AUTS2: variants seen among roughly 807,000 people sequenced by gnomAD.
AUTS2 encodes the protein autism susceptibility gene 2 protein.
In AUTS2, 17 loss-of-function variants were observed where a neutral mutation model predicts 112.4. The ratio of observed to expected loss-of-function variants is 0.15; its 90% CI spans 0.10 to 0.23. AUTS2 has a LOEUF of 0.23. Among genes scored for constraint, AUTS2 ranks in the 10% least tolerant of loss-of-function variants. The pLI is 1.00. For missense variants in AUTS2, 1,510 were observed against 1,701.6 expected (o/e 0.89, Z 1.98); for synonymous variants, 751 against 702.7 (o/e 1.07, Z -1.09).
intron 2 of AUTS2, among the ~76,000 whole-genome samples, chr7:69,929,350 T>C (rs1038943318): frequency 6.6e-6 from 1 of 152,102 alleles, no homozygotes; most frequent in Non-Finnish European, 1.5e-5. Context: ...GTTTCCTTCA[T>C]GTTTCTTGTG....
At chr7:69,654,818 T>C (rs1437778621) in intron 1 of AUTS2, among the ~76,000 whole-genome samples, 4 of 152,164 alleles carry the variant, frequency 2.6e-5, no homozygotes, top group African/African-American at 9.6e-5. Context: ...ATGGCAACTG[T>C]GTGTTTTAAA....
chr7:69,937,865 C>G (rs1207129359), intron 2 of AUTS2, among the ~76,000 whole-genome samples: 1 of 152,072 alleles, frequency 6.6e-6, no homozygotes, highest in African/African-American at 2.4e-5. Context: ...AGCCATGGGG[C>G]CTTGTTCTTC....
At chr7:70,618,880 T>C (rs1804521465) in intron 5 of AUTS2, among the ~76,000 whole-genome samples, 1 of 152,212 alleles carries the variant, frequency 6.6e-6, no homozygotes, top group African/African-American at 2.4e-5. Context: ...TCAGGATTAC[T>C]GGAGGGAGAG....
intron 4 of AUTS2, among the ~76,000 whole-genome samples, chr7:70,253,418 A>G (rs1005813999): frequency 1.3e-5 from 2 of 152,152 alleles, no homozygotes; most frequent in Admixed American, 6.5e-5. Context: ...AGCATTTCCA[A>G]TGATTTATGT....
In AUTS2 at chr7:70,280,056, C is replaced by T. The variant is rs139263113; in HGVS notation, c.660+145485C>T. On this transcript the variant is annotated intron_variant, in intron 4 of 18. Coordinates refer to ENST00000342771, the MANE Select transcript of AUTS2 (RefSeq NM_015570.4). ...ACTTACGAAATGAGAATAATAATTC[C>T]TGCCTCACAAGATTATGGGGAGAGG... Among the ~76,000 whole-genome samples the T allele has an allele frequency of 6.9e-3, 1,047 of 152,174 alleles. 17 individuals are homozygous for T. The highest frequency in any genetic ancestry group is 0.024 in the African/African-American group (977 of 41,500).
At position 69,701,509 on chromosome 7, in the gene AUTS2, C is replaced by T. The variant is rs1238930990; in HGVS notation, c.309+101547C>T. On this transcript the variant is annotated intron_variant, in intron 1 of 18. Coordinates refer to ENST00000342771, the MANE Select transcript of AUTS2 (RefSeq NM_015570.4). ...TGCCTATAAACGCAAGGCTGGTTGT[C>T]GTCATTGCCATCCCCAGTATACTTT... Among the ~76,000 whole-genome samples the T allele has an allele frequency of 3.3e-5, 5 of 152,214 alleles. No individual in the cohort carries two copies. In the South Asian group the frequency reaches 6.2e-4, roughly 19 times the overall value.
At chr7:70,583,070 C>T (rs1296635062) in intron 5 of AUTS2, among the ~76,000 whole-genome samples, 1 of 152,170 alleles carries the variant, frequency 6.6e-6, no homozygotes, top group East Asian at 1.9e-4. Flanking sequence ...AAGTGTGTAA[C>T]TTATAAACCA....
At chr7:70,630,869 G>T (rs1357418139) in intron 5 of AUTS2, among the ~76,000 whole-genome samples, 1 of 152,132 alleles carries the variant, frequency 6.6e-6, no homozygotes, top group African/African-American at 2.4e-5. Context: ...AGAGCACTTT[G>T]TAACACACAT....
Position 70,085,921 on chromosome 7 carries a change from G to A in AUTS2, c.523-32211G>A, listed in dbSNP as rs565224039. ...TGCTTTTTTCTATTTCTTAAGGGTT[G>A]TATAAAAAAAAAAATTAAAGGAAAT... On this transcript the variant is annotated intron_variant, in intron 2 of 18. Transcript: ENST00000342771. 6.9e-3 allele frequency among the ~76,000 whole-genome samples: 932 copies of A among 134,852 alleles called. 12 individuals are homozygous for A. The highest frequency in any genetic ancestry group is 0.025 in the African/African-American group (885 of 34,902). The allele number at this position is 134,852 out of a possible 152,430, so 88.5% of individuals were successfully genotyped here. A position where few individuals can be genotyped will look rare whatever the true frequency, so the allele number is the denominator to read the frequency against.
intron 5 of AUTS2, among the ~76,000 whole-genome samples, chr7:70,449,800 G>T (rs543649870): frequency 1.5e-3 from 231 of 152,234 alleles, no homozygotes; most frequent in Middle Eastern, 3.4e-3. Context: ...AAATACACAG[G>T]ATTTTGTAGA....
chr7:69,750,235 G>A (rs1254377847), intron 1 of AUTS2, among the ~76,000 whole-genome samples: 2 of 151,902 alleles, frequency 1.3e-5, no homozygotes, highest in African/African-American at 4.8e-5. Context: ...AAAGCGTAAG[G>A]GTGTGTGGGT....
chr7:69,839,321 C>T (rs1390527477), intron 1 of AUTS2, among the ~76,000 whole-genome samples: 2 of 152,126 alleles, frequency 1.3e-5, no homozygotes, highest in Non-Finnish European at 2.9e-5. Context: ...ACTCACTAGT[C>T]TGTGATCTAG....
chr7:70,524,220 T>C (rs1799750292), intron 5 of AUTS2, among the ~76,000 whole-genome samples: 1 of 152,194 alleles, frequency 6.6e-6, no homozygotes. Flanking sequence ...AAAGGAACCA[T>C]GCAGATGATC....
chr7:70,319,625 G>A (rs1483644593), intron 4 of AUTS2, among the ~76,000 whole-genome samples: 1 of 152,078 alleles, frequency 6.6e-6, no homozygotes, highest in Non-Finnish European at 1.5e-5. Flanking sequence ...AACAAATTAG[G>A]GTCTCAGCCA....
At chr7:70,658,072 T>C (rs945630228) in intron 5 of AUTS2, among the ~76,000 whole-genome samples, 3 of 152,246 alleles carry the variant, frequency 2.0e-5, no homozygotes, top group African/African-American at 7.2e-5. Flanking sequence ...TATTTTGGCT[T>C]CTGCCAAAGC....
At chr7:70,017,220 CA>C in intron 2 of AUTS2, among the ~76,000 whole-genome samples, 2 of 152,300 alleles carry the variant, frequency 1.3e-5, no homozygotes, top group South Asian at 4.1e-4. Context: ...TTAACTTCGC[CA>C]AAGTGAATGC....
At chr7:70,138,853 C>T (rs1806706996) in intron 4 of AUTS2, among the ~76,000 whole-genome samples, 1 of 152,206 alleles carries the variant, frequency 6.6e-6, no homozygotes, top group South Asian at 2.1e-4. Context: ...TGACCTGTAG[C>T]TTTCCATCCA....
At chr7:70,270,803 C>T (rs1584955536) in intron 4 of AUTS2, among the ~76,000 whole-genome samples, 1 of 152,014 alleles carries the variant, frequency 6.6e-6, no homozygotes, top group Non-Finnish European at 1.5e-5. Flanking sequence ...TCCAGCAGTC[C>T]CTTGAGTACA....
chr7:70,255,074 CTTTT>C (rs3078929), intron 4 of AUTS2, among the ~76,000 whole-genome samples: 5 of 129,644 alleles, frequency 3.9e-5, no homozygotes, highest in East Asian at 2.3e-4. Context: ...TCAAAATTAC[CTTTT>C]TTTTTTTTTT....
Sources: allele counts gnomAD v4.1 joint callset (sites outside exome capture counted in the v4.1 genomes callset), GRCh38; gene constraint gnomAD v4.1.1; transcripts MANE v1.5; gene names NCBI Gene and HGNC (gene_info 2026-07-23, HGNC 2026-07-21).